Variants in PPP6R3 observed in about 807,000 individuals in gnomAD.
PPP6R3 encodes the protein serine/threonine-protein phosphatase 6 regulatory subunit 3.
A neutral mutation model predicts 110.7 loss-of-function variants in PPP6R3; 38 were observed. That is an observed-to-expected ratio of 0.34 (90% CI 0.26 to 0.45). PPP6R3 has a LOEUF of 0.45. Ranked by LOEUF, PPP6R3 falls within the 20% of genes least tolerant of loss-of-function variation. The pLI is 1.00. For synonymous variants in PPP6R3, 369 were observed against 373.5 expected (o/e 0.99, Z 0.14); for missense variants, 870 against 1,062.4 (o/e 0.82, Z 2.52).
Position 68,615,266 on chromosome 11 carries a change from C to G in PPP6R3, c.*2149C>G, listed in dbSNP as rs1407732069. 3 of 362,872 alleles carry G rather than the reference C, an allele frequency of 8.3e-6. No homozygotes were observed. The highest frequency in any genetic ancestry group is 5.4e-6 in the Non-Finnish European group (1 of 184,158). The allele number at this position is 362,872 out of a possible 1,614,324, so 22.5% of individuals were successfully genotyped here. On this transcript the variant is annotated 3_prime_UTR_variant, in exon 24 of 24. Coordinates refer to ENST00000393800, the MANE Select transcript of PPP6R3 (RefSeq NM_001164161.2). Reference sequence around the variant, plus strand: ...TGGCCATACTGAATTATGAGACTAACAGATGTCTACAATACAATACCTGTA... The same window carrying G: ...TGGCCATACTGAATTATGAGACTAAGAGATGTCTACAATACAATACCTGTA...
intron 1 of PPP6R3, among the ~76,000 whole-genome samples, chr11:68,511,463 A>AGAGTGTGTGTGTGTGTGTGTGTGT (rs1555082964): frequency 3.0e-4 from 42 of 138,598 alleles, no homozygotes; most frequent in African/African-American, 7.6e-4. Context: ...ACTGTGTTAG[A>AGAGTGTGTGTGTGTGTGTGTGTGT]GTGTGTGTGT....
At position 68,542,399 on chromosome 11, in the gene PPP6R3, T is replaced by TG. The variant is rs1565717453; in HGVS notation, c.228-2439_228-2438insG. 7.6e-4 allele frequency among the ~76,000 whole-genome samples: 83 copies of TG among 109,386 alleles called. 2 individuals are homozygous for TG. Among genetic ancestry groups the TG allele is most frequent in the African/African-American group, 2.3e-3 (63 of 27,586 alleles). 71.8% of individuals were successfully genotyped at this position (109,386 alleles called of 152,430 possible). A position where few individuals can be genotyped will look rare whatever the true frequency, so the allele number is the denominator to read the frequency against. Reference sequence around the variant, plus strand: ...GCTTGAGAAGCTGCTGTTTTTTTTTTTTTTTTTTTTTTAAGACAGAGTCTT... The same window carrying TG: ...GCTTGAGAAGCTGCTGTTTTTTTTTTGTTTTTTTTTTTTAAGACAGAGTCTT... On this transcript the variant is annotated intron_variant, in intron 3 of 23. Transcript: ENST00000393800.
intron 9 of PPP6R3, among the ~76,000 whole-genome samples, chr11:68,565,048 C>A (rs1279174433): frequency 6.6e-6 from 1 of 151,688 alleles, no homozygotes; most frequent in Non-Finnish European, 1.5e-5. Flanking sequence ...GTGGAAGATT[C>A]AGTTCCATGT....
At chr11:68,476,755 GC>G (rs1173803545) in intron 1 of PPP6R3, among the ~76,000 whole-genome samples, 2 of 151,956 alleles carry the variant, frequency 1.3e-5, no homozygotes, top group Non-Finnish European at 2.9e-5. Flanking sequence ...TGGTGTGATG[GC>G]TCACACCTGT....
intron 3 of PPP6R3, among the ~76,000 whole-genome samples, chr11:68,542,325 A>T (rs1039138592): frequency 7.4e-6 from 1 of 134,330 alleles, no homozygotes; most frequent in Non-Finnish European, 1.6e-5. Context: ...GTCAGAGCCT[A>T]TGGAGGAGGA....
intron 1 of PPP6R3, among the ~76,000 whole-genome samples, chr11:68,485,103 T>A (rs879905798): frequency 5.3e-5 from 8 of 152,062 alleles, no homozygotes; most frequent in Non-Finnish European, 1.2e-4. Context: ...ATCTTGTACA[T>A]ATTTTGTTTT....
At chr11:68,557,251 T>C (rs951670396) in intron 7 of PPP6R3, among the ~76,000 whole-genome samples, 1 of 152,258 alleles carries the variant, frequency 6.6e-6, no homozygotes, top group Non-Finnish European at 1.5e-5. Flanking sequence ...AAGCAATTAT[T>C]GCTGGTCTGA....
chr11:68,610,931 C>T (rs574985413), intron 23 of PPP6R3, among the ~76,000 whole-genome samples: 1 of 151,752 alleles, frequency 6.6e-6, no homozygotes, highest in African/African-American at 2.4e-5. Flanking sequence ...TTTGTTGGTC[C>T]AAAATCCTGT....
intron 1 of PPP6R3, among the ~76,000 whole-genome samples, chr11:68,510,643 C>G (rs748808773): frequency 6.6e-6 from 1 of 152,082 alleles, no homozygotes; most frequent in Admixed American, 6.5e-5. Flanking sequence ...TTCTTAAAAA[C>G]TTCTAGGTTT....
At chr11:68,516,783 C>T (rs1342493255) in intron 1 of PPP6R3, among the ~76,000 whole-genome samples, 1 of 152,068 alleles carries the variant, frequency 6.6e-6, no homozygotes, top group East Asian at 1.9e-4. Context: ...ACGGTTTTTC[C>T]ACAGCTGCTG....
chr11:68,537,577 T>C (rs2099277402), intron 2 of PPP6R3, 82 bp from the exon 3 acceptor site: 1 of 976,496 alleles, frequency 1.0e-6, no homozygotes, highest in African/African-American at 1.7e-5. Flanking sequence ...TTTTAGATTG[T>C]AAAACTGAAC....
intron 1 of PPP6R3, among the ~76,000 whole-genome samples, chr11:68,517,961 A>C (rs1345001381): frequency 1.3e-5 from 2 of 152,068 alleles, no homozygotes; most frequent in Admixed American, 1.3e-4. Flanking sequence ...AAAGTTAATA[A>C]AATACGAATC....
chr11:68,599,043 G>A (rs1320492154), intron 19 of PPP6R3, among the ~76,000 whole-genome samples: 1 of 152,214 alleles, frequency 6.6e-6, no homozygotes, highest in East Asian at 1.9e-4. Context: ...ATATCTTGGG[G>A]AAAGTCACAG....
intron 1 of PPP6R3, among the ~76,000 whole-genome samples, chr11:68,506,441 A>AAAAAAAAT (rs1375607126): frequency 6.9e-6 from 1 of 145,494 alleles, no homozygotes; most frequent in African/African-American, 2.7e-5. Flanking sequence ...AAAAAAAAAA[A>AAAAAAAAT]AAAAAAATTC....
At chr11:68,571,793 A>G (rs533946927) in intron 12 of PPP6R3, among the ~76,000 whole-genome samples, 2 of 152,288 alleles carry the variant, frequency 1.3e-5, no homozygotes, top group Admixed American at 6.5e-5. Flanking sequence ...TTATTGAGAT[A>G]TAATTCTCAT....
chr11:68,463,355 G>GAAAAAAAAAAAAAAAAAAAAAAAAA (rs1156285158), intron 1 of PPP6R3, among the ~76,000 whole-genome samples: 2 of 54,622 alleles, frequency 3.7e-5, no homozygotes, highest in Non-Finnish European at 3.5e-5. Context: ...CTCAGTCTCA[G>GAAAAAAAAAAAAAAAAAAAAAAAAA]AAAAAAAAAA....
intron 1 of PPP6R3, among the ~76,000 whole-genome samples, chr11:68,510,721 A>G (rs777016821): frequency 9.9e-5 from 15 of 152,226 alleles, no homozygotes; most frequent in Non-Finnish European, 1.8e-4. Flanking sequence ...TAAGACAAAC[A>G]GGAGTCCTTA....
chr11:68,500,594 C>T (rs1368083731), intron 1 of PPP6R3, among the ~76,000 whole-genome samples: 1 of 152,216 alleles, frequency 6.6e-6, no homozygotes. Flanking sequence ...TCTCCTACCT[C>T]ACCCTCCCAA....
intron 1 of PPP6R3, among the ~76,000 whole-genome samples, chr11:68,466,552 C>T (rs2098747591): frequency 6.6e-6 from 1 of 151,702 alleles, no homozygotes; most frequent in Admixed American, 6.6e-5. Flanking sequence ...CATTCTCCTG[C>T]CTCAGCCTCC....
Sources: gnomAD v4.1 joint callset for allele counts (sites outside exome capture counted in the v4.1 genomes callset) on GRCh38, gnomAD v4.1.1 for gene constraint, MANE v1.5 for transcripts, NCBI Gene and HGNC (gene_info 2026-07-23, HGNC 2026-07-21) for gene names.